The following ADGRE2 variants were observed in gnomAD, a reference collection of about 807,000 sequenced individuals.
ADGRE2 encodes the protein CD97 antigen.
In ADGRE2, 83 loss-of-function variants were observed where a neutral mutation model predicts 100.8. The ratio of observed to expected loss-of-function variants is 0.82; its 90% CI spans 0.69 to 0.99. The LOEUF (loss-of-function observed/expected upper bound fraction) is 0.99, where lower values mean the gene tolerates loss of function less well. Ranked by LOEUF, ADGRE2 falls within the 50% of genes least tolerant of loss-of-function variation. The probability of loss-of-function intolerance (pLI) is 0.00; values close to 1 mark genes in which losing one functional copy is unlikely to be tolerated. For synonymous variants in ADGRE2, 355 were observed against 413.0 expected (o/e 0.86, Z 1.70); for missense variants, 814 against 1,035.7 (o/e 0.79, Z 2.94).
Position 14,776,880 on chromosome 19 carries a change from G to A in ADGRE2, c.-124C>T, listed in dbSNP as rs1273919891. 1 of 1,532,020 alleles carries A rather than the reference G, an allele frequency of 6.5e-7. No individual in the cohort carries two copies. The highest frequency in any genetic ancestry group is 8.8e-7 in the Non-Finnish European group (1 of 1,136,776). The allele number at this position is 1,532,020 out of a possible 1,614,324, so 94.9% of individuals were successfully genotyped here. A position where few individuals can be genotyped will look rare whatever the true frequency, so the allele number is the denominator to read the frequency against. On this transcript the variant is annotated 5_prime_UTR_variant, in exon 2 of 21. Transcript: ENST00000315576. Reference sequence around the variant, plus strand: ...AGGCCAGGACTTTATAAAGGAGGGGGGGCGGACAGCCGCTGGCCCAGGGCC... The same window carrying A: ...AGGCCAGGACTTTATAAAGGAGGGGAGGCGGACAGCCGCTGGCCCAGGGCC...
At chr19:14,768,242 G>A (rs1038598885) in intron 5 of ADGRE2, among the ~76,000 whole-genome samples, 1 of 152,226 alleles carries the variant, frequency 6.6e-6, no homozygotes, top group Admixed American at 6.5e-5. Flanking sequence ...AGGGGAGCAT[G>A]AGTCTGGTGC....
Position 14,766,315 on chromosome 19 carries a change from C to T in ADGRE2, c.554G>A (p.Gly185Asp), listed in dbSNP as rs776091111. 6.2e-7 allele frequency: 1 copy of T among 1,614,108 alleles called. No individual in the cohort carries two copies. The highest frequency in any genetic ancestry group is 8.5e-7 in the Non-Finnish European group (1 of 1,180,020). The change falls in exon 7 of 21, where the codon GGC becomes GAC. Residue 185 changes from glycine to aspartate, a missense_variant. Physicochemically the swap from Gly to Asp is moderately conservative, Grantham distance 94. Transcript: ENST00000315576. ...CGGGCGGCAGCGGCACTGATAGCTG[C>T]CCACGTTGTTGAGGCAGTGGGTGGA... The part of the protein sequence containing the change: ...HSSTHCLNNV[G>D]SYQCRCRPGW...
chr19:14,770,070 A>G (rs992372983), intron 5 of ADGRE2, among the ~76,000 whole-genome samples: 1 of 152,136 alleles, frequency 6.6e-6, no homozygotes, highest in Non-Finnish European at 1.5e-5. Context: ...ATGCGGTGAT[A>G]CAGTTTGGAT....
At position 14,752,342 on chromosome 19, in the gene ADGRE2, T is replaced by A. The variant is rs2043324991; in HGVS notation, c.1775A>T (p.Gln592Leu). 6.2e-7 allele frequency: 1 copy of A among 1,614,072 alleles called. No homozygotes were observed. The highest frequency in any genetic ancestry group is 8.5e-7 in the Non-Finnish European group (1 of 1,179,968). ...CGCTGTCAATACCTTGTGTCCGGTTTGATCAATTGCCACGAGGAAGAGGAG... is the reference window on the plus strand; with the variant it reads ...CGCTGTCAATACCTTGTGTCCGGTTAGATCAATTGCCACGAGGAAGAGGAG... ...AHLLFLVAID[Q>L]TGHKVLCSII... Residue 592 changes from glutamine to leucine, a missense_variant, in exon 15 of 21, where the codon CAA (glutamine) becomes CTA (leucine). Transcript: ENST00000315576.
downstream of ADGRE2, chr19:14,731,272 G>A: frequency 7.5e-7 from 1 of 1,330,642 alleles, no homozygotes; most frequent in Non-Finnish European, 1.0e-6. Flanking sequence ...TCACTACTGG[G>A]GCTTGAAGAC....
chr19:14,777,070 G>GCTC, intron 1 of ADGRE2, 143 bp from the exon 2 acceptor site: 1 of 1,219,296 alleles, frequency 8.2e-7, no homozygotes, highest in South Asian at 1.9e-5. Flanking sequence ...CCCTCTGCTG[G>GCTC]AGTTTCCACC....
chr19:14,766,623 T>C (rs1396889862), intron 6 of ADGRE2, among the ~76,000 whole-genome samples: 1 of 152,120 alleles, frequency 6.6e-6, no homozygotes, highest in Non-Finnish European at 1.5e-5. Flanking sequence ...GGAAACTGAG[T>C]CATGGGAGCT....
intron 5 of ADGRE2, among the ~76,000 whole-genome samples, chr19:14,768,582 C>G (rs2044077439): frequency 6.6e-6 from 1 of 152,176 alleles, no homozygotes; most frequent in Admixed American, 6.5e-5. Flanking sequence ...GGGAGAGGAT[C>G]AGGCTTGGAG....
downstream of ADGRE2, chr19:14,731,393 T>TA (rs1304307334): frequency 5.1e-6 from 3 of 587,518 alleles, no homozygotes; most frequent in Non-Finnish European, 9.0e-6. Flanking sequence ...CTTAGTCACA[T>TA]ACTTCTGGCT....
intron 15 of ADGRE2, 141 bp downstream of exon 15, chr19:14,752,188 C>T (rs36101835): frequency 0.17 from 173,489 of 1,049,800 alleles, 15,521 homozygotes; most frequent in Middle Eastern, 0.2. Context: ...CCACCTCAGT[C>T]TCCCAAAGTG....
At chr19:14,762,703 G>T (rs934425129) in intron 11 of ADGRE2, among the ~76,000 whole-genome samples, 2 of 152,070 alleles carry the variant, frequency 1.3e-5, no homozygotes, top group Admixed American at 6.6e-5. Context: ...GAGTGCAGTG[G>T]TGCAAACTTG....
At chr19:14,767,389 C>T (rs2044029865) in intron 5 of ADGRE2, among the ~76,000 whole-genome samples, 1 of 152,236 alleles carries the variant, frequency 6.6e-6, no homozygotes, top group South Asian at 2.1e-4. Context: ...CAGGCGCCCG[C>T]CACCATGCCC....
chr19:14,732,778 A>G lies in ADGRE2; in HGVS notation c.*3458T>C, dbSNP rs1248819520. ...GATTGTCTATAGCTGTTTTCATATC[A>G]CAATGGAAGTTCAAGTTCAGTGTCT... On this transcript the variant is annotated 3_prime_UTR_variant, in exon 21 of 21. Coordinates refer to ENST00000315576, the MANE Select transcript of ADGRE2 (RefSeq NM_013447.4). 1.3e-5 allele frequency: 2 copies of G among 152,250 alleles called. No individual in the cohort carries two copies. The highest frequency in any genetic ancestry group is 6.5e-5 in the Admixed American group (1 of 15,286). 9.4% of individuals were successfully genotyped at this position (152,250 alleles called of 1,614,324 possible).
In ADGRE2 at chr19:14,765,547, G is replaced by A. The variant is rs917683093; in HGVS notation, c.805C>T (p.Pro269Ser). ...ACCTGGCTGTGGACTCCAGGGGGCG[G>A]GGTCCAGGTGGAGAAAGTCATATCT... ...CEDMTFSTWT[P>S]PPGVHSQTLS... The change falls in exon 9 of 21, where the codon CCG (proline) becomes TCG (serine). Residue 269 changes from proline to serine, a missense_variant. By Grantham distance (74) the Pro-to-Ser change is moderately conservative (BLOSUM62 -1). Coordinates refer to ENST00000315576, the MANE Select transcript of ADGRE2 (RefSeq NM_013447.4). 10 of 1,614,142 alleles carry A rather than the reference G, an allele frequency of 6.2e-6. No individual in the cohort carries two copies. The highest frequency in any genetic ancestry group is 2.7e-5 in the African/African-American group (2 of 74,956).
intron 1 of ADGRE2, 49 bp from the exon 2 acceptor site, chr19:14,776,976 G>GCACA (rs58154734): frequency 0.086 from 87,470 of 1,017,882 alleles, 2,039 homozygotes; most frequent in Admixed American, 0.19. Context: ...CAGGGGCGCT[G>GCACA]CACACACACA....
chr19:14,776,662 G>T, intron 2 of ADGRE2, 64 bp downstream of exon 2: 3 of 1,541,518 alleles, frequency 1.9e-6, no homozygotes, highest in Non-Finnish European at 2.6e-6. Flanking sequence ...TTTCTCAGAC[G>T]CATCCAAGGG....
intron 11 of ADGRE2, 92 bp from the exon 12 acceptor site, chr19:14,756,437 C>T: frequency 2.6e-6 from 2 of 769,546 alleles, no homozygotes; most frequent in South Asian, 1.5e-5. Flanking sequence ...ATACTATATA[C>T]ATATATAGTC....
In ADGRE2 at chr19:14,743,631, G is replaced by T. The variant is rs753910967; in HGVS notation, c.2337C>A (p.Cys779Ter). ...LQGVFIFLVY[C>*]LLSQQVREQY... ...GCAGTGGTACCTGCTGGCTGAGGAG[G>T]CAGTACACCAGGAAGATGAAGACAC... The change falls in exon 19 of 21, where the codon TGC becomes TGA. Residue 779 changes from cysteine to a stop codon, truncating the protein, a stop_gained. Coordinates refer to ENST00000315576, the MANE Select transcript of ADGRE2 (RefSeq NM_013447.4). LOFTEE classifies it high-confidence loss of function. 2.5e-6 allele frequency: 4 copies of T among 1,614,050 alleles called. No individual in the cohort carries two copies. Among genetic ancestry groups the T allele is most frequent in the Non-Finnish European group, 3.4e-6 (4 of 1,180,036 alleles).
intron 7 of ADGRE2, 93 bp from the exon 8 acceptor site, chr19:14,765,897 G>T: frequency 1.9e-6 from 3 of 1,607,890 alleles, no homozygotes; most frequent in Non-Finnish European, 2.6e-6. Flanking sequence ...CCCGGCATTA[G>T]TGCCCCCCTT....
Sources: gnomAD v4.1 joint callset for allele counts (sites outside exome capture counted in the v4.1 genomes callset) on GRCh38, gnomAD v4.1.1 for gene constraint, MANE v1.5 for transcripts, NCBI Gene and HGNC (gene_info 2026-07-23, HGNC 2026-07-21) for gene names.